Variants in DGLUCY observed in about 807,000 individuals in gnomAD.
DGLUCY encodes D-glutamate cyclase.
Under a neutral mutation model 58.5 loss-of-function variants are expected in DGLUCY, and 58 were observed. That is an observed-to-expected ratio of 0.99 (90% confidence interval 0.80 to 1.23). The LOEUF (loss-of-function observed/expected upper bound fraction) is 1.23, where lower values mean the gene tolerates loss of function less well. DGLUCY is among the 50% of genes most tolerant of loss of function. The probability of loss-of-function intolerance (pLI) is 0.00; values close to 1 mark genes in which losing one functional copy is unlikely to be tolerated. For synonymous variants in DGLUCY, 325 were observed against 314.1 expected (o/e 1.03, Z -0.37); for missense variants, 779 against 784.7 (o/e 0.99, Z 0.09).
chr14:91,071,692 AC>A (rs1302974682), intron 1 of DGLUCY, among the ~76,000 whole-genome samples: 1 of 151,784 alleles, frequency 6.6e-6, no homozygotes, highest in Non-Finnish European at 1.5e-5. Context: ...ATATGGTGAA[AC>A]CCCGTCTCTA....
At chr14:91,118,865 C>T (rs1595676248) in intron 1 of DGLUCY, among the ~76,000 whole-genome samples, 2 of 152,112 alleles carry the variant, frequency 1.3e-5, no homozygotes, top group African/African-American at 2.4e-5. Context: ...TGCCTGTAAT[C>T]CCAGCACTTT....
chr14:91,119,480 C>A (rs1301252381), intron 1 of DGLUCY, among the ~76,000 whole-genome samples: 1 of 152,180 alleles, frequency 6.6e-6, no homozygotes, highest in Non-Finnish European at 1.5e-5. Context: ...TTTCTCACTG[C>A]AGTGCTACTC....
chr14:91,064,975 T>G (rs951965217), intron 1 of DGLUCY, among the ~76,000 whole-genome samples: 21 of 152,312 alleles, frequency 1.4e-4, no homozygotes, highest in Non-Finnish European at 2.8e-4. Flanking sequence ...TTTTTGGCTT[T>G]TAATCTTATT....
At chr14:91,068,118 C>CG (rs1566928310) in intron 1 of DGLUCY, among the ~76,000 whole-genome samples, 2 of 151,386 alleles carry the variant, frequency 1.3e-5, no homozygotes, top group African/African-American at 2.4e-5. Context: ...CACACACACC[C>CG]CTTGCATTCA....
At chr14:91,066,485 T>G (rs2043824389) in intron 1 of DGLUCY, among the ~76,000 whole-genome samples, 1 of 152,060 alleles carries the variant, frequency 6.6e-6, no homozygotes, top group Non-Finnish European at 1.5e-5. Context: ...CACCCCCTTT[T>G]GTTGTAAGCC....
intron 1 of DGLUCY, among the ~76,000 whole-genome samples, chr14:91,099,259 A>G (rs1392923548): frequency 6.6e-6 from 1 of 152,172 alleles, no homozygotes; most frequent in Non-Finnish European, 1.5e-5. Context: ...CTGGCCAGGC[A>G]CGGTGACTCA....
chr14:91,108,773 G>T (rs1418839877), intron 1 of DGLUCY, among the ~76,000 whole-genome samples: 2 of 152,142 alleles, frequency 1.3e-5, no homozygotes, highest in African/African-American at 4.8e-5. Flanking sequence ...CCTGACCTCA[G>T]GGGATCTACC....
intron 7 of DGLUCY, among the ~76,000 whole-genome samples, chr14:91,179,690 G>T (rs184735910): frequency 0.016 from 2,337 of 150,394 alleles, 67 homozygotes; most frequent in African/African-American, 0.054. Context: ...GGCAGAGGTT[G>T]CAGTGAGCCG....
chr14:91,070,578 A>C (rs2043898200), intron 1 of DGLUCY, among the ~76,000 whole-genome samples: 1 of 152,234 alleles, frequency 6.6e-6, no homozygotes, highest in African/African-American at 2.4e-5. Flanking sequence ...GAATTATAGA[A>C]CAACAAAAGA....
intron 13 of DGLUCY, 55 bp downstream of exon 13, chr14:91,215,611 A>T (rs958004437): frequency 3.7e-6 from 6 of 1,609,636 alleles, no homozygotes; most frequent in Non-Finnish European, 5.1e-6. Context: ...CTGGATGAGC[A>T]GCAGGCCTGA....
upstream of DGLUCY, among the ~76,000 whole-genome samples, chr14:91,112,244 T>C (rs1244308329): frequency 2.7e-5 from 4 of 149,198 alleles, no homozygotes; most frequent in African/African-American, 9.9e-5. Flanking sequence ...AGCAAAACTC[T>C]GTCTCAAAAA....
rs375488747 is a variant in DGLUCY at position 91,193,861 on chromosome 14, A to AT, written c.1196-2514_1196-2513insT. On this transcript the variant is annotated intron_variant, in intron 9 of 13. Coordinates refer to ENST00000256324, the MANE Select transcript of DGLUCY (RefSeq NM_001102368.3). ...CATCTTAGAAAAAAAAAAAAAAAAA[A>AT]GGAGTTTTAAAGCTGACTAGGCATT... 1.8e-3 allele frequency among the ~76,000 whole-genome samples: 264 copies of AT among 147,516 alleles called. 1 individual carries two copies. The highest frequency in any genetic ancestry group is 5.2e-3 in the African/African-American group (206 of 39,758).
intron 1 of DGLUCY, among the ~76,000 whole-genome samples, chr14:91,062,606 T>C (rs1295956019): frequency 7.0e-4 from 21 of 30,134 alleles, no homozygotes; most frequent in Admixed American, 9.6e-4. Flanking sequence ...TATATATATA[T>C]ATATAAACAA....
intron 1 of DGLUCY, among the ~76,000 whole-genome samples, chr14:91,097,761 T>C (rs953220926): frequency 6.7e-5 from 10 of 150,214 alleles, no homozygotes; most frequent in East Asian, 2.0e-4. Context: ...GCAACCTCCA[T>C]CTCCTGGGTT....
rs140958004 is a variant in DGLUCY at position 91,181,130 on chromosome 14, G to A, written c.731-56G>A. ...GCCTATCAACAGTGGGCTAGATGAGGGTAGGCTGGACTTGATGAAGTGGCT... is the reference window on the plus strand; with the variant it reads ...GCCTATCAACAGTGGGCTAGATGAGAGTAGGCTGGACTTGATGAAGTGGCT... On this transcript the variant is annotated intron_variant, in intron 7 of 13. Transcript: ENST00000256324. 2.9e-4 allele frequency: 443 copies of A among 1,548,920 alleles called. 1 individual carries two copies. In the African/African-American group the frequency reaches 4.4e-3, roughly 15 times the overall value.
intron 10 of DGLUCY, among the ~76,000 whole-genome samples, chr14:91,198,503 C>T (rs1277624128): frequency 2.0e-5 from 3 of 151,446 alleles, no homozygotes; most frequent in Non-Finnish European, 4.4e-5. Flanking sequence ...CTCGCCACCA[C>T]ACCTGGCTAA....
At chr14:91,151,643 TTTTTC>T (rs1336490243) in intron 1 of DGLUCY, among the ~76,000 whole-genome samples, 9 of 151,228 alleles carry the variant, frequency 6.0e-5, no homozygotes, top group South Asian at 2.1e-4. Flanking sequence ...TCTTTTTTAT[TTTTTC>T]TTTTCTTTTC....
intron 1 of DGLUCY, among the ~76,000 whole-genome samples, chr14:91,098,261 A>T (rs1156917988): frequency 6.6e-6 from 1 of 152,196 alleles, no homozygotes; most frequent in East Asian, 1.9e-4. Flanking sequence ...GTTAGAGACC[A>T]GCCTGGGCAA....
chr14:91,069,661 T>G (rs2043882891), intron 1 of DGLUCY, among the ~76,000 whole-genome samples: 1 of 152,004 alleles, frequency 6.6e-6, no homozygotes, highest in Non-Finnish European at 1.5e-5. Context: ...TTTTAAGAAA[T>G]GTGCCCAGGC....
Sources: gnomAD v4.1 joint callset for allele counts (sites outside exome capture counted in the v4.1 genomes callset) on GRCh38, gnomAD v4.1.1 for gene constraint, MANE v1.5 for transcripts, NCBI Gene and HGNC (gene_info 2026-07-23, HGNC 2026-07-21) for gene names.